The following NFATC2 variants were observed in gnomAD, a reference collection of about 807,000 sequenced individuals.
NFATC2 encodes the protein nuclear factor of activated T cells 2.
A neutral mutation model predicts 87.3 loss-of-function variants in NFATC2; 22 were observed. That is an observed-to-expected ratio of 0.25 (90% confidence interval 0.18 to 0.36). The LOEUF (loss-of-function observed/expected upper bound fraction) is 0.36. Among genes scored for constraint, NFATC2 ranks in the 10% least tolerant of loss-of-function variants. The probability of loss-of-function intolerance (pLI) is 1.00; values close to 1 mark genes in which losing one functional copy is unlikely to be tolerated. For missense variants in NFATC2, 1,149 were observed against 1,259.1 expected, an observed-to-expected ratio of 0.91 and a Z score of 1.32; for synonymous variants, 565 against 542.2, an observed-to-expected ratio of 1.04 and a Z score of -0.58.
chr20:51,436,808 G>A lies in NFATC2; in HGVS notation c.1850-1047C>T, dbSNP rs1054123604. On this transcript the variant is annotated intron_variant, in intron 6 of 10. Coordinates refer to ENST00000371564, the MANE Select transcript of NFATC2 (RefSeq NM_012340.5). ...TGTTATATGTTACACTTTATCCTAC[G>A]CCAAAGCTGTTAGAGAAGCGCCATG... is the stretch of plus-strand genomic sequence containing the variant. 3.3e-5 allele frequency among the ~76,000 whole-genome samples: 5 copies of A among 152,122 alleles called. No individual in the cohort carries two copies. The South Asian group carries it at 6.2e-4, about 19-fold the overall frequency.
At chr20:51,464,412 G>C (rs1260577423) in intron 5 of NFATC2, among the ~76,000 whole-genome samples, 1 of 152,206 alleles carries the variant, frequency 6.6e-6, no homozygotes, top group East Asian at 1.9e-4. Context: ...CCAGGACTAA[G>C]CAGCCAGTAA....
chr20:51,461,697 A>G (rs992740500), intron 5 of NFATC2, among the ~76,000 whole-genome samples: 1 of 152,242 alleles, frequency 6.6e-6, no homozygotes, highest in East Asian at 1.9e-4. Flanking sequence ...GGAAATGGGA[A>G]GTTATTGCCT....
intron 10 of NFATC2, among the ~76,000 whole-genome samples, chr20:51,394,339 C>T (rs1986739598): frequency 6.6e-6 from 1 of 152,070 alleles, no homozygotes; most frequent in Admixed American, 6.6e-5. Context: ...GCAGGGGAAC[C>T]CCAGTGCCCT....
chr20:51,401,772 AGGT>A (rs1478650976), intron 9 of NFATC2, among the ~76,000 whole-genome samples: 1 of 152,170 alleles, frequency 6.6e-6, no homozygotes, highest in Non-Finnish European at 1.5e-5. Flanking sequence ...CCTATGGACT[AGGT>A]GATAATTTAA....
chr20:51,438,184 C>T (rs1012301196), intron 6 of NFATC2, among the ~76,000 whole-genome samples: 1 of 152,148 alleles, frequency 6.6e-6, no homozygotes, highest in African/African-American at 2.4e-5. Flanking sequence ...AGACACATGT[C>T]CCCTTTTCAG....
At chr20:51,418,260 T>C (rs1176179522) in intron 9 of NFATC2, among the ~76,000 whole-genome samples, 3 of 152,222 alleles carry the variant, frequency 2.0e-5, no homozygotes, top group Non-Finnish European at 4.4e-5. Context: ...ATTATAAAGC[T>C]GTTACTTCTA....
intron 7 of NFATC2, 90 bp downstream of exon 7, chr20:51,435,616 C>G: frequency 1.4e-6 from 2 of 1,392,968 alleles, no homozygotes; most frequent in Non-Finnish European, 2.0e-6. Context: ...CTGGGGGACA[C>G]TGATGAAGGA....
At chr20:51,477,758 T>TA (rs2146527863) in intron 3 of NFATC2, among the ~76,000 whole-genome samples, 1 of 151,764 alleles carries the variant, frequency 6.6e-6, no homozygotes, top group South Asian at 2.1e-4. Context: ...TCTCTGGAGA[T>TA]CCTTCGGTAG....
Position 51,474,746 on chromosome 20 carries a change from G to GT in NFATC2, c.1536-595dup, listed in dbSNP as rs1172464100. On this transcript the variant is annotated intron_variant, in intron 4 of 10. Coordinates refer to ENST00000371564, the MANE Select transcript of NFATC2 (RefSeq NM_012340.5). ...TTTGAATTTATTTTCCCATCCAAAG[G>GT]TTTTTTTAACCCCAAAATGTGTGCA... Among the ~76,000 whole-genome samples the GT allele has an allele frequency of 5.3e-5, 8 of 151,994 alleles. No homozygotes were observed. The East Asian group carries it at 5.8e-4, about 11-fold the overall frequency.
chr20:51,476,234 C>G (rs1164932037), intron 3 of NFATC2, among the ~76,000 whole-genome samples: 4 of 111,970 alleles, frequency 3.6e-5, no homozygotes, highest in Non-Finnish European at 7.0e-5. Context: ...CCCCTCCCCC[C>G]ACCCCACAAC....
At chr20:51,519,853 T>A (rs916100604) in intron 2 of NFATC2, among the ~76,000 whole-genome samples, 1 of 149,636 alleles carries the variant, frequency 6.7e-6, no homozygotes, top group Admixed American at 6.7e-5. Flanking sequence ...GAGGCAGAGG[T>A]TGCAGTGAGC....
intron 1 of NFATC2, among the ~76,000 whole-genome samples, chr20:51,555,390 G>C (rs530416382): frequency 6.6e-5 from 10 of 152,120 alleles, no homozygotes; most frequent in South Asian, 2.1e-4. Context: ...TCAGGAGATC[G>C]AGACCATCCT....
chr20:51,551,638 G>T (rs113881018), intron 1 of NFATC2, among the ~76,000 whole-genome samples: 3 of 149,894 alleles, frequency 2.0e-5, no homozygotes, highest in African/African-American at 7.4e-5. Context: ...TCGAACTCCT[G>T]GGCTCAAGCT....
At chr20:51,402,348 G>A (rs1988134044) in intron 9 of NFATC2, among the ~76,000 whole-genome samples, 1 of 152,118 alleles carries the variant, frequency 6.6e-6, no homozygotes, top group Admixed American at 6.5e-5. Context: ...ACCACAGGCA[G>A]GAAAGCATTC....
intron 9 of NFATC2, among the ~76,000 whole-genome samples, chr20:51,431,407 G>A (rs993284291): frequency 2.0e-5 from 3 of 152,048 alleles, no homozygotes; most frequent in African/African-American, 7.3e-5. Flanking sequence ...GCCCACAAAC[G>A]GGCACCTACA....
intron 3 of NFATC2, among the ~76,000 whole-genome samples, chr20:51,485,130 C>T (rs1989598095): frequency 6.6e-6 from 1 of 152,174 alleles, no homozygotes; most frequent in Non-Finnish European, 1.5e-5. Context: ...GATTTGTTTC[C>T]AATTACCATG....
intron 1 of NFATC2, among the ~76,000 whole-genome samples, chr20:51,536,754 A>T (rs2076726889): frequency 6.6e-6 from 1 of 152,146 alleles, no homozygotes; most frequent in Non-Finnish European, 1.5e-5. Context: ...TCACCTTTCC[A>T]GCTGCACCTG....
At chr20:51,434,168 G>A (rs896139158) in intron 8 of NFATC2, among the ~76,000 whole-genome samples, 2 of 151,156 alleles carry the variant, frequency 1.3e-5, no homozygotes, top group African/African-American at 2.4e-5. Flanking sequence ...CAAAACTGTG[G>A]GCACAAGTCA....
At chr20:51,544,841 G>A (rs1399775021), upstream of NFATC2, among the ~76,000 whole-genome samples, 1 of 152,188 alleles carries the variant, frequency 6.6e-6, no homozygotes, top group African/African-American at 2.4e-5. Context: ...AACCACTTTG[G>A]TTTAGACTCA....
Sources: gnomAD v4.1 joint callset for allele counts (sites outside exome capture counted in the v4.1 genomes callset) on GRCh38, gnomAD v4.1.1 for gene constraint, MANE v1.5 for transcripts, NCBI Gene and HGNC (gene_info 2026-07-23, HGNC 2026-07-21) for gene names.